The following PFKL variants were observed in gnomAD, a reference collection of about 807,000 sequenced individuals.
PFKL encodes ATP-dependent 6-phosphofructokinase, liver type.
PFKL carries 74 observed loss-of-function variants against 92.1 expected under a neutral mutation model. That is an observed-to-expected ratio of 0.80 (90% CI 0.67 to 0.97). The LOEUF (loss-of-function observed/expected upper bound fraction) is 0.97. Among genes scored for constraint, PFKL ranks in the 50% least tolerant of loss-of-function variants. PFKL has a pLI of 0.00. For synonymous variants in PFKL, 494 were observed against 456.4 expected, an observed-to-expected ratio of 1.08 and a Z score of -1.05; for missense variants, 1,028 against 1,116.6, an observed-to-expected ratio of 0.92 and a Z score of 1.13.
At chr21:44,305,448 G>T in intron 1 of PFKL, 1 of 1,310,562 alleles carries the variant, frequency 7.6e-7, no homozygotes, top group South Asian at 1.2e-5. Context: ...CAAGTACAGG[G>T]GGGTGGGAGG....
intron 1 of PFKL, chr21:44,305,100 G>C: frequency 2.1e-6 from 1 of 470,926 alleles, no homozygotes; most frequent in South Asian, 2.0e-5. Context: ...CCTGAGGGTG[G>C]GTCTGGGTGA....
In PFKL at chr21:44,316,344, G is replaced by A. The variant is rs201292242; in HGVS notation, c.843+5G>A. On this transcript the variant is annotated splice_donor_5th_base_variant and intron_variant, in intron 8 of 21. Transcript: ENST00000349048. The stretch of plus-strand genomic sequence containing the variant: ...TCGTCCAGCTACGTGAAGGACGTGC[G>A]TGTGGGCCTGGGGGTGGCCACTGGG... 3.7e-5 allele frequency: 59 copies of A among 1,612,812 alleles called. No homozygotes were observed. Among genetic ancestry groups the A allele is most frequent in the East Asian group, 8.9e-5 (4 of 44,898 alleles).
intron 1 of PFKL, among the ~76,000 whole-genome samples, chr21:44,300,917 A>G (rs2040756924): frequency 6.6e-6 from 1 of 152,130 alleles, no homozygotes; most frequent in East Asian, 1.9e-4. Context: ...CTGGCCTGAC[A>G]TGTCCAGTGT....
At chr21:44,326,288 G>T in intron 21 of PFKL, 24 bp downstream of exon 21, 1 of 1,553,026 alleles carries the variant, frequency 6.4e-7, no homozygotes, top group Non-Finnish European at 8.8e-7. Flanking sequence ...AAGCCTCGTG[G>T]AGGCGGGTGG....
chr21:44,311,012 G>A lies in PFKL; in HGVS notation c.166G>A (p.Glu56Lys). The change falls in exon 3 of 22, where the codon GAG becomes AAG. Residue 56 changes from glutamate (E) to lysine (K), a missense_variant. Physicochemically the swap from Glu to Lys is moderately conservative, Grantham distance 56. Transcript: ENST00000349048. ...AKVFLIYEGY[E>K]GLVEGGENIK... ...GCCCCACTCTTGATTTCAGGGCTAT[G>A]AGGGCCTCGTGGAGGGAGGTGAGAA... 1 of 1,612,866 alleles carries A rather than the reference G, an allele frequency of 6.2e-7. No homozygotes were observed. The highest frequency in any genetic ancestry group is 8.5e-7 in the Non-Finnish European group (1 of 1,179,400).
At chr21:44,325,003 G>C in intron 18 of PFKL, 86 bp downstream of exon 18, 1 of 1,342,696 alleles carries the variant, frequency 7.4e-7, no homozygotes, top group Non-Finnish European at 1.0e-6. Context: ...CTGGGCAGGA[G>C]AAGGCAGGAG....
intron 7 of PFKL, 64 bp from the exon 8 acceptor site, chr21:44,316,180 G>A (rs1037435280): frequency 6.1e-6 from 9 of 1,479,342 alleles, no homozygotes; most frequent in East Asian, 4.5e-5. Flanking sequence ...CCTGGCACCC[G>A]GGGGCTGTGT....
chr21:44,310,687 G>T (rs981224617), intron 2 of PFKL, among the ~76,000 whole-genome samples: 3 of 152,134 alleles, frequency 2.0e-5, no homozygotes, highest in African/African-American at 4.8e-5. Context: ...GGCGGGCTCC[G>T]CTGGGGCCTT....
Position 44,323,746 on chromosome 21 carries a change from C to T in PFKL, c.1498-20C>T. On this transcript the variant is annotated intron_variant, in intron 15 of 21. Coordinates refer to ENST00000349048, the MANE Select transcript of PFKL (RefSeq NM_002626.6). ...TGGCCTCGGTGCTGCCCTTGACCTG[C>T]CCCGTCCCTACTGCTGCAGGCCTAT... 1 of 1,603,828 alleles carries T rather than the reference C, an allele frequency of 6.2e-7. No individual in the cohort carries two copies. Among genetic ancestry groups the T allele is most frequent in the Non-Finnish European group, 8.5e-7 (1 of 1,176,278 alleles).
At chr21:44,306,047 C>T in intron 1 of PFKL, 3 of 600,704 alleles carry the variant, frequency 5.0e-6, no homozygotes, top group Non-Finnish European at 4.3e-6. Flanking sequence ...AGCCCAAGCC[C>T]CTTCCAGCAG....
Position 44,316,253 on chromosome 21 carries a change from C to A in PFKL, c.757C>A (p.Arg253Ser), listed in dbSNP as rs373371133. ...CGTGTCTTTGACCCAGACTCGGAGC[C>A]GTGGGTCCCGACTGAACATCATCAT... ...MCERLGETRS[R>S]GSRLNIIIIA... The change falls in exon 8 of 22, where the codon CGT becomes AGT. Residue 253 changes from arginine (R) to serine (S), a missense_variant. Arg to Ser is a moderately radical substitution (Grantham distance 110). Coordinates refer to ENST00000349048, the MANE Select transcript of PFKL (RefSeq NM_002626.6). 6.2e-7 allele frequency: 1 copy of A among 1,612,872 alleles called. No homozygotes were observed. Among genetic ancestry groups the A allele is most frequent in the Non-Finnish European group, 8.5e-7 (1 of 1,179,876 alleles).
At chr21:44,326,371 A>C in intron 21 of PFKL, 107 bp downstream of exon 21, 2 of 848,300 alleles carry the variant, frequency 2.4e-6, no homozygotes, top group South Asian at 3.3e-5. Context: ...CTGACCCCGC[A>C]AGGCCTCCTG....
At position 44,322,846 on chromosome 21, in the gene PFKL, A is replaced by G. The variant is rs2047392519; in HGVS notation, c.1410-116A>G. 3 of 654,008 alleles carry G rather than the reference A, an allele frequency of 4.6e-6. No homozygotes were observed. The Admixed American group carries it at 7.1e-5, about 15-fold the overall frequency. 40.5% of individuals were successfully genotyped at this position (654,008 alleles called of 1,614,324 possible). On this transcript the variant is annotated intron_variant, in intron 14 of 21. Coordinates refer to ENST00000349048, the MANE Select transcript of PFKL (RefSeq NM_002626.6). ...CACAGCGCCACATCCCGGGCATTGCAGCGACTGCTGACTGGCTCGGGGAAC... is the reference window on the plus strand; with the variant it reads ...CACAGCGCCACATCCCGGGCATTGCGGCGACTGCTGACTGGCTCGGGGAAC...
rs1185342882 is a variant in PFKL at position 44,316,328 on chromosome 21, T to G, written c.832T>G (p.Tyr278Asp). 3.7e-6 allele frequency: 6 copies of G among 1,613,086 alleles called. No homozygotes were observed. In the Admixed American group the frequency reaches 5.0e-5, roughly 13 times the overall value. The change falls in exon 8 of 22, where the codon TAC becomes GAC. Residue 278 changes from tyrosine (Y) to aspartate (D), a missense_variant. By Grantham distance (160) the Tyr-to-Asp change is radical. Coordinates refer to ENST00000349048, the MANE Select transcript of PFKL (RefSeq NM_002626.6). ...DRNGKPISSS[Y>D]VKDLVVQRLG... ...CAACGGGAAGCCCATCTCGTCCAGC[T>G]ACGTGAAGGACGTGCGTGTGGGCCT...
chr21:44,306,212 C>G (rs1220099963), intron 1 of PFKL, among the ~76,000 whole-genome samples: 1 of 152,200 alleles, frequency 6.6e-6, no homozygotes, highest in African/African-American at 2.4e-5. Context: ...GCCCCGTGGC[C>G]TGTGAGTGTG....
intron 11 of PFKL, 47 bp downstream of exon 11, chr21:44,319,462 G>C (rs372842866): frequency 1.5e-5 from 23 of 1,508,862 alleles, no homozygotes; most frequent in Non-Finnish European, 1.8e-5. Flanking sequence ...GCTGGGTCCC[G>C]GTGCCAGGCA....
At position 44,324,879 on chromosome 21, in the gene PFKL, G is replaced by A. The variant is rs774349397; in HGVS notation, c.1839G>A (p.Glu613=). Residue 613 remains glutamate, a synonymous_variant, in exon 18 of 22, where the codon GAG becomes GAA. Coordinates refer to ENST00000349048, the MANE Select transcript of PFKL (RefSeq NM_002626.6). The part of the protein sequence containing the change: ...DLKVNVEHMT[E]KMKTDIQRGL... ...AGGTCAACGTGGAGCACATGACGGA[G>A]AAGATGAAGACAGACATTCAGAGGG... 8 of 1,609,232 alleles carry A rather than the reference G, an allele frequency of 5.0e-6. No homozygotes were observed. In the South Asian group the frequency reaches 7.7e-5, roughly 16 times the overall value.
chr21:44,325,036 AG>A, intron 18 of PFKL, 116 bp from the exon 19 acceptor site: 1 of 1,212,784 alleles, frequency 8.2e-7, no homozygotes, highest in Non-Finnish European at 1.2e-6. Flanking sequence ...AGGGTGGGCC[AG>A]GGCGGCTTTC....
At chr21:44,318,066 C>G (rs1419007983) in intron 9 of PFKL, among the ~76,000 whole-genome samples, 1 of 152,238 alleles carries the variant, frequency 6.6e-6, no homozygotes, top group Non-Finnish European at 1.5e-5. Context: ...TCTGCCCAGC[C>G]CTTTGGCCGG....
Sources: allele counts gnomAD v4.1 joint callset (sites outside exome capture counted in the v4.1 genomes callset), GRCh38; gene constraint gnomAD v4.1.1; transcripts MANE v1.5; gene names NCBI Gene and HGNC (gene_info 2026-07-23, HGNC 2026-07-21).